ANKRD17: variants seen among roughly 807,000 people sequenced by gnomAD.
ANKRD17 encodes the protein ankyrin repeat domain 17.
Under a neutral mutation model 229.7 loss-of-function variants are expected in ANKRD17, and 19 were observed. The ratio of observed to expected loss-of-function variants is 0.08; its 90% CI spans 0.06 to 0.12. ANKRD17 has a LOEUF of 0.12. Ranked by LOEUF, ANKRD17 falls within the 10% of genes least tolerant of loss-of-function variation. The pLI, the probability that ANKRD17 is intolerant of heterozygous loss-of-function variation, is 1.00. For synonymous variants in ANKRD17, 1,112 were observed against 1,146.1 expected (o/e 0.97, Z 0.60); for missense variants, 2,176 against 3,176.8 (o/e 0.68, Z 7.57).
chr4:73,125,817 G>T (rs1053020025), intron 16 of ANKRD17, among the ~76,000 whole-genome samples: 5 of 151,602 alleles, frequency 3.3e-5, no homozygotes, highest in African/African-American at 1.2e-4. Flanking sequence ...TTTTTAAAAA[G>T]GCTACAAACA....
chr4:73,208,601 T>G (rs113750229), intron 1 of ANKRD17, among the ~76,000 whole-genome samples: 2 of 152,066 alleles, frequency 1.3e-5, no homozygotes, highest in African/African-American at 2.4e-5. Flanking sequence ...CAGGAGAGAA[T>G]AGAGTGACTA....
chr4:73,180,587 T>G (rs1432438623), intron 1 of ANKRD17, among the ~76,000 whole-genome samples: 1 of 152,188 alleles, frequency 6.6e-6, no homozygotes, highest in East Asian at 1.9e-4. Context: ...TCTCACTATA[T>G]GCAAAACTTG....
At chr4:73,124,075 A>C (rs189519222) in intron 18 of ANKRD17, among the ~76,000 whole-genome samples, 1 of 152,056 alleles carries the variant, frequency 6.6e-6, no homozygotes, top group Non-Finnish European at 1.5e-5. Context: ...AACAAAACTA[A>C]GAACTGTGGG....
intron 29 of ANKRD17, among the ~76,000 whole-genome samples, chr4:73,087,540 T>C (rs1331116052): frequency 2.0e-5 from 3 of 152,180 alleles, no homozygotes; most frequent in Non-Finnish European, 4.4e-5. Context: ...AGGAAGGCAG[T>C]AGAATACTTT....
chr4:73,091,500 G>A lies in ANKRD17; in HGVS notation c.6128C>T (p.Pro2043Leu), dbSNP rs751377205. 5 of 1,614,178 alleles carry A rather than the reference G, an allele frequency of 3.1e-6. No individual in the cohort carries two copies. The highest frequency in any genetic ancestry group is 4.2e-6 in the Non-Finnish European group (5 of 1,180,036). The change falls in exon 29 of 34, where the codon CCA becomes CTA. Residue 2043 changes from proline (P) to leucine (L), a missense_variant. Around this residue, in one of 18 missense-constraint regions of ANKRD17, gnomAD observed 424 missense variants for 454.0 expected, o/e 0.93. Transcript: ENST00000358602. ...CTGGGCTGGTGGTGATGGGGAAGAT[G>A]GGGATGATACTGGATAGTGTTCTTT... ...TAKEHYPVSS[P>L]SSPSPPAQPG...
chr4:73,215,670 G>A (rs771096070), intron 1 of ANKRD17, among the ~76,000 whole-genome samples: 1 of 152,206 alleles, frequency 6.6e-6, no homozygotes, highest in Non-Finnish European at 1.5e-5. Context: ...CAATAAGCCA[G>A]TGAGTTTTAA....
At chr4:73,224,049 C>A (rs1578453394) in intron 1 of ANKRD17, among the ~76,000 whole-genome samples, 1 of 152,104 alleles carries the variant, frequency 6.6e-6, no homozygotes, top group East Asian at 1.9e-4. Flanking sequence ...GCCAGGAGTT[C>A]GATCAAGACC....
intron 1 of ANKRD17, among the ~76,000 whole-genome samples, chr4:73,221,039 T>A (rs887719989): frequency 2.0e-5 from 3 of 152,196 alleles, no homozygotes; most frequent in African/African-American, 7.2e-5. Context: ...CTTTGCACTC[T>A]GTATTTTTAG....
chr4:73,077,209 G>C (rs1249788432), intron 32 of ANKRD17, 105 bp from the exon 33 acceptor site: 2 of 1,345,512 alleles, frequency 1.5e-6, no homozygotes, highest in South Asian at 1.7e-5. Context: ...CTCATCCTGG[G>C]AATGTGTAAC....
At chr4:73,214,174 C>T (rs1345188822) in intron 1 of ANKRD17, among the ~76,000 whole-genome samples, 1 of 152,160 alleles carries the variant, frequency 6.6e-6, no homozygotes, top group African/African-American at 2.4e-5. Flanking sequence ...CAAGGTTTTT[C>T]TCCGGCTCTT....
intron 8 of ANKRD17, among the ~76,000 whole-genome samples, chr4:73,148,075 G>A (rs986686085): frequency 1.3e-5 from 2 of 152,158 alleles, no homozygotes; most frequent in African/African-American, 4.8e-5. Flanking sequence ...CTTGCCTAAA[G>A]TTACAAAATT....
chr4:73,225,171 T>C (rs979186791), intron 1 of ANKRD17, among the ~76,000 whole-genome samples: 1 of 152,194 alleles, frequency 6.6e-6, no homozygotes, highest in South Asian at 2.1e-4. Context: ...ATTCTTTCTA[T>C]GCTTCAAATA....
At chr4:73,089,395 G>A (rs1722539517) in intron 29 of ANKRD17, among the ~76,000 whole-genome samples, 2 of 151,952 alleles carry the variant, frequency 1.3e-5, no homozygotes, top group Admixed American at 6.6e-5. Flanking sequence ...CAGGCAGCAG[G>A]CCAAATTTGG....
At chr4:73,100,174 G>A (rs1723796804) in intron 25 of ANKRD17, among the ~76,000 whole-genome samples, 1 of 152,148 alleles carries the variant, frequency 6.6e-6, no homozygotes. Flanking sequence ...AGCACCAAAT[G>A]TTCATCCTCA....
At chr4:73,191,482 A>T (rs1159975882) in intron 1 of ANKRD17, among the ~76,000 whole-genome samples, 1 of 151,552 alleles carries the variant, frequency 6.6e-6, no homozygotes, top group Non-Finnish European at 1.5e-5. Context: ...AATTTTGTAG[A>T]CAAGAAAGCT....
chr4:73,126,127 G>T (rs775136623), intron 16 of ANKRD17, among the ~76,000 whole-genome samples: 1 of 152,132 alleles, frequency 6.6e-6, no homozygotes, highest in Non-Finnish European at 1.5e-5. Context: ...ACAGAATTTG[G>T]AGAGATCAAG....
At chr4:73,135,356 A>G (rs1236787401) in intron 15 of ANKRD17, 91 bp from the exon 16 acceptor site, 42 of 1,275,594 alleles carry the variant, frequency 3.3e-5, no homozygotes, top group Non-Finnish European at 4.5e-5. Flanking sequence ...AAGACTTCTT[A>G]AAACAATATG....
intron 27 of ANKRD17, among the ~76,000 whole-genome samples, chr4:73,096,121 AATTGTC>A: frequency 6.6e-6 from 1 of 152,240 alleles, no homozygotes. Flanking sequence ...AAGTATTAAA[AATTGTC>A]ATATTTTCTA....
At chr4:73,127,129 A>G (rs1727576342) in intron 16 of ANKRD17, among the ~76,000 whole-genome samples, 2 of 152,210 alleles carry the variant, frequency 1.3e-5, no homozygotes. Context: ...ATTTCCAATG[A>G]AATCCAAATT....
Sources: gnomAD v4.1 joint callset for allele counts (sites outside exome capture counted in the v4.1 genomes callset) on GRCh38, gnomAD v4.1.1 for gene constraint, gnomAD v4.1.1 regional missense constraint, MANE v1.5 for transcripts, NCBI Gene and HGNC (gene_info 2026-07-23, HGNC 2026-07-21) for gene names.